Variants in SMAD4 observed in about 807,000 individuals in gnomAD.
SMAD4 encodes SMAD family member 4, also known as MAD homolog 4.
Under a neutral mutation model 63.2 loss-of-function variants are expected in SMAD4, and 7 were observed. That is an observed-to-expected ratio of 0.11 (90% CI 0.06 to 0.21). SMAD4 has a LOEUF of 0.21. Ranked by LOEUF, SMAD4 falls within the 10% of genes least tolerant of loss-of-function variation. The pLI is 1.00. For missense variants in SMAD4, 312 were observed against 693.8 expected (o/e 0.45, Z 6.18); for synonymous variants, 215 against 235.4 (o/e 0.91, Z 0.79).
rs1443558897 is a variant in SMAD4, at chr18:51,048,561, A to G, written c.250-125A>G. On this transcript the variant is annotated intron_variant, in intron 2 of 11. Coordinates refer to ENST00000342988, the MANE Select transcript of SMAD4 (RefSeq NM_005359.6). ...GGCCAAGTTAGTTATTGTGAATTTTAGTTTTCTTATTTATGAAATGGGGAT... is the reference window on the plus strand; with the variant it reads ...GGCCAAGTTAGTTATTGTGAATTTTGGTTTTCTTATTTATGAAATGGGGAT... The G allele has an allele frequency of 7.0e-6, 6 of 854,428 alleles. No homozygotes were observed. The African/African-American group carries it at 1.0e-4, about 14-fold the overall frequency. 52.9% of individuals were successfully genotyped at this position (854,428 alleles called of 1,614,324 possible). A position where few individuals can be genotyped will look rare whatever the true frequency, so the allele number is the denominator to read the frequency against.
intron 2 of SMAD4, among the ~76,000 whole-genome samples, chr18:51,048,391 C>T (rs919740130): frequency 6.6e-6 from 1 of 152,180 alleles, no homozygotes; most frequent in Admixed American, 6.5e-5. Context: ...CTCCTGGGCT[C>T]AAGCGATCCT....
At chr18:51,073,393 A>ATATAT (rs1304764335) in intron 10 of SMAD4, among the ~76,000 whole-genome samples, 1 of 57,616 alleles carries the variant, frequency 1.7e-5, no homozygotes, top group Non-Finnish European at 4.1e-5. Context: ...ATATATACAC[A>ATATAT]CACACACACA....
intron 4 of SMAD4, chr18:51,054,435 G>T (rs535590679): frequency 3.6e-6 from 1 of 275,484 alleles, no homozygotes; most frequent in Non-Finnish European, 7.0e-6. Flanking sequence ...CCAGCCATTC[G>T]GTTTTTGCCT....
chr18:51,068,716 C>G (rs1053691512), intron 10 of SMAD4, among the ~76,000 whole-genome samples: 1 of 151,350 alleles, frequency 6.6e-6, no homozygotes, highest in Non-Finnish European at 1.5e-5. Context: ...ACCAGGAGTT[C>G]AAGACCAACG....
chr18:51,084,009 C>CGT lies in SMAD4; in HGVS notation c.*5543_*5544insTG, dbSNP rs1261511828. ...CACTTAACGCGCGTGCGCACGCGCG[C>CGT]GCGCACACACACACACACACACACA... On this transcript the variant is annotated 3_prime_UTR_variant, in exon 12 of 12. Coordinates refer to ENST00000342988, the MANE Select transcript of SMAD4 (RefSeq NM_005359.6). 2.8e-5 allele frequency: 2 copies of CGT among 72,238 alleles called. No homozygotes were observed. The highest frequency in any genetic ancestry group is 5.9e-5 in the Non-Finnish European group (2 of 33,690). The allele number at this position is 72,238 out of a possible 1,614,324, so 4.5% of individuals were successfully genotyped here.
rs1407888175 is a variant in SMAD4, at chr18:51,082,023, A to G, written c.*3556A>G. 4.8e-5 allele frequency: 11 copies of G among 231,558 alleles called. No homozygotes were observed. Among genetic ancestry groups the G allele is most frequent in the East Asian group, 4.3e-4 (7 of 16,320 alleles). The allele number at this position is 231,558 out of a possible 1,614,324, so 14.3% of individuals were successfully genotyped here. A position where few individuals can be genotyped will look rare whatever the true frequency, so the allele number is the denominator to read the frequency against. ...AGCAGTTTTATTCTCTGAGTGGAAC[A>G]GAGTTCTTTTTGTTGATAATTTCTA... On this transcript the variant is annotated 3_prime_UTR_variant, in exon 12 of 12. Transcript: ENST00000342988.
intron 1 of SMAD4, 41 bp from the exon 2 acceptor site, chr18:51,046,879 A>G: frequency 3.2e-6 from 2 of 619,728 alleles, no homozygotes; most frequent in South Asian, 2.0e-5. Context: ...TACTTCGTAA[A>G]ATGTGTTCTG....
At chr18:51,040,967 G>A (rs767590774) in intron 1 of SMAD4, among the ~76,000 whole-genome samples, 15 of 152,172 alleles carry the variant, frequency 9.9e-5, no homozygotes, top group Middle Eastern at 3.4e-3. Flanking sequence ...GAAATGGGTC[G>A]TCTTTTATTT....
Position 51,084,392 on chromosome 18 carries a change from T to G in SMAD4, c.*5925T>G. 4.4e-6 allele frequency: 1 copy of G among 229,854 alleles called. No homozygotes were observed. The highest frequency in any genetic ancestry group is 8.6e-6 in the Non-Finnish European group (1 of 115,944). 14.2% of individuals were successfully genotyped at this position (229,854 alleles called of 1,614,324 possible). On this transcript the variant is annotated 3_prime_UTR_variant, in exon 12 of 12. Transcript: ENST00000342988. Reference sequence around the variant, plus strand: ...TGGCTCTTTTTAGGTCCATTTTGATTAAGTGACTTTTGGCTGGATCATTCA... The same window carrying G: ...TGGCTCTTTTTAGGTCCATTTTGATGAAGTGACTTTTGGCTGGATCATTCA...
chr18:51,066,766 GAGTTGTA>G, intron 9 of SMAD4: 1 of 415,704 alleles, frequency 2.4e-6, no homozygotes, highest in South Asian at 2.7e-5. Context: ...AGTACTTGTT[GAGTTGTA>G]AGGGTTTAAT....
intron 4 of SMAD4, among the ~76,000 whole-genome samples, chr18:51,050,393 C>T (rs1277106377): frequency 6.7e-6 from 1 of 150,322 alleles, no homozygotes. Flanking sequence ...GGCACGGTGG[C>T]TCACTCCTGT....
At chr18:51,050,780 T>G (rs1407719008) in intron 4 of SMAD4, among the ~76,000 whole-genome samples, 1 of 152,094 alleles carries the variant, frequency 6.6e-6, no homozygotes, top group Non-Finnish European at 1.5e-5. Context: ...TCAGAAATAC[T>G]AGGTGACCTT....
rs746178972 is a variant in SMAD4, at chr18:51,048,883, C to T, written c.424+23C>T. The T allele has an allele frequency of 3.1e-6, 5 of 1,596,988 alleles. No homozygotes were observed. The Admixed American group carries it at 8.4e-5, about 27-fold the overall frequency. ...TTGGTAAGTAGACTTTGCTTTCATCCTAAGAAACATAAAGGGAAAAGGATC... is the reference window on the plus strand; with the variant it reads ...TTGGTAAGTAGACTTTGCTTTCATCTTAAGAAACATAAAGGGAAAAGGATC... On this transcript the variant is annotated intron_variant, in intron 3 of 11. Coordinates refer to ENST00000342988, the MANE Select transcript of SMAD4 (RefSeq NM_005359.6).
chr18:51,051,960 C>T (rs1311087451), intron 4 of SMAD4, among the ~76,000 whole-genome samples: 3 of 152,066 alleles, frequency 2.0e-5, no homozygotes, highest in Non-Finnish European at 4.4e-5. Context: ...GTGCCCGCCA[C>T]CATGCCCAGC....
At chr18:51,077,826 T>C (rs564860005) in intron 11 of SMAD4, among the ~76,000 whole-genome samples, 3 of 152,236 alleles carry the variant, frequency 2.0e-5, no homozygotes, top group African/African-American at 7.2e-5. Context: ...ATCTAAGAGG[T>C]CTTAGTGGAA....
rs1909640122 is a variant in SMAD4 at position 51,049,353 on chromosome 18, C to G, written c.454+29C>G. The G allele has an allele frequency of 4.5e-6, 7 of 1,559,028 alleles. No individual in the cohort carries two copies. In the South Asian group the frequency reaches 7.8e-5, roughly 17 times the overall value. The stretch of plus-strand genomic sequence containing the variant: ...GGTAATCTGTTTCTTACTACTTTCT[C>G]TTTGTTTTGTCCTATCCTCTCTGTT... On this transcript the variant is annotated intron_variant, in intron 4 of 11. Transcript: ENST00000342988.
intron 10 of SMAD4, among the ~76,000 whole-genome samples, chr18:51,073,991 A>C (rs1268623706): frequency 1.3e-5 from 2 of 152,164 alleles, no homozygotes; most frequent in Non-Finnish European, 2.9e-5. Context: ...AAATATTTGC[A>C]AAAGACACAT....
At chr18:51,054,719 G>A (rs1237108808) in intron 4 of SMAD4, 62 bp from the exon 5 acceptor site, 4 of 1,158,788 alleles carry the variant, frequency 3.5e-6, no homozygotes, top group Non-Finnish European at 5.1e-6. Flanking sequence ...TTGCTAATAA[G>A]ATTTTTTTTT....
At chr18:51,075,407 G>A (rs971684270) in intron 10 of SMAD4, among the ~76,000 whole-genome samples, 9 of 152,172 alleles carry the variant, frequency 5.9e-5, no homozygotes, top group African/African-American at 1.7e-4. Flanking sequence ...CCTTATGTAC[G>A]TAATGGGACT....
Sources: allele counts gnomAD v4.1 joint callset (sites outside exome capture counted in the v4.1 genomes callset), GRCh38; gene constraint gnomAD v4.1.1; transcripts MANE v1.5; gene names NCBI Gene and HGNC (gene_info 2026-07-23, HGNC 2026-07-21).